The following DOCK7 variants were observed in gnomAD, a reference collection of about 807,000 sequenced individuals.
DOCK7 encodes the protein dedicator of cytokinesis 7.
A neutral mutation model predicts 271.0 loss-of-function variants in DOCK7; 138 were observed. The ratio of observed to expected loss-of-function variants is 0.51; its 90% CI spans 0.44 to 0.59. DOCK7 has a LOEUF of 0.59. DOCK7 is among the 20% of genes least tolerant of loss of function. DOCK7 has a pLI of 0.00. For synonymous variants in DOCK7, 823 were observed against 876.1 expected (o/e 0.94, Z 1.07); for missense variants, 2,066 against 2,592.4 (o/e 0.80, Z 4.41).
chr1:62,673,270 G>T (rs1255786021), intron 1 of DOCK7, among the ~76,000 whole-genome samples: 6 of 152,024 alleles, frequency 3.9e-5, no homozygotes, highest in African/African-American at 1.4e-4. Flanking sequence ...AAAAAAAGAT[G>T]TCAGGTGTCT....
chr1:62,578,739 A>AC (rs397755235), intron 17 of DOCK7, 89 bp downstream of exon 17: 8 of 1,032,182 alleles, frequency 7.8e-6, no homozygotes, highest in South Asian at 1.8e-5. Context: ...AAAAAAAAAA[A>AC]CCCACAAATG....
chr1:62,590,600 T>A (rs1648296223), intron 14 of DOCK7, among the ~76,000 whole-genome samples: 1 of 152,114 alleles, frequency 6.6e-6, no homozygotes. Flanking sequence ...ATGATAATAA[T>A]GTAGTATGAT....
At chr1:62,618,942 T>C in intron 13 of DOCK7, 74 bp from the exon 14 acceptor site, 1 of 1,381,228 alleles carries the variant, frequency 7.2e-7, no homozygotes, top group Non-Finnish European at 1.0e-6. Context: ...TTAAAGGACT[T>C]GGATCCTATT....
intron 21 of DOCK7, 89 bp downstream of exon 21, chr1:62,555,736 G>T: frequency 7.1e-7 from 1 of 1,401,702 alleles, no homozygotes; most frequent in Non-Finnish European, 9.6e-7. Flanking sequence ...TGAATAAATG[G>T]ATCACAGTAT....
At chr1:62,501,228 C>T (rs894974682) in intron 37 of DOCK7, among the ~76,000 whole-genome samples, 3 of 152,014 alleles carry the variant, frequency 2.0e-5, no homozygotes, top group African/African-American at 7.2e-5. Flanking sequence ...CTCCTAAGAA[C>T]CTTGATGAGG....
At chr1:62,651,145 G>A (rs902012225) in intron 4 of DOCK7, among the ~76,000 whole-genome samples, 1 of 151,712 alleles carries the variant, frequency 6.6e-6, no homozygotes, top group Non-Finnish European at 1.5e-5. Context: ...GTCCTTTGTA[G>A]GGACATGGAT....
rs778998166 is a variant in DOCK7 at position 62,504,592 on chromosome 1, A to C, written c.4764+38T>G. 131 of 1,582,640 alleles carry C rather than the reference A, an allele frequency of 8.3e-5. No individual in the cohort carries two copies. The Middle Eastern group carries it at 1.2e-3, about 14-fold the overall frequency. On this transcript the variant is annotated intron_variant, in intron 37 of 49. Transcript: ENST00000635253. The stretch of plus-strand genomic sequence containing the variant: ...TAACTATCAGCAGAAGTTATATTTC[A>C]TTATGAATACAGAGAATTTTCATGA...
chr1:62,621,367 AAT>A (rs2149593468), intron 12 of DOCK7, among the ~76,000 whole-genome samples: 1 of 152,328 alleles, frequency 6.6e-6, no homozygotes, highest in South Asian at 2.1e-4. Context: ...TTCTTCTTAC[AAT>A]TAAAATAGCT....
chr1:62,557,015 C>CA (rs1221280948), intron 20 of DOCK7, among the ~76,000 whole-genome samples: 1 of 151,858 alleles, frequency 6.6e-6, no homozygotes, highest in Non-Finnish European at 1.5e-5. Flanking sequence ...TTCTACCTCA[C>CA]AGAAGAAATG....
At chr1:62,495,964 TACAAAAGGAA>T (rs1646609019) in intron 38 of DOCK7, 2 of 370,002 alleles carry the variant, frequency 5.4e-6, no homozygotes, top group African/African-American at 4.3e-5. Context: ...AATACAAGAA[TACAAAAGGAA>T]AATTCTCTCC....
intron 2 of DOCK7, among the ~76,000 whole-genome samples, chr1:62,655,714 AC>A (rs1657942763): frequency 6.6e-6 from 1 of 152,226 alleles, no homozygotes; most frequent in South Asian, 2.1e-4. Flanking sequence ...GGTGTGAGCC[AC>A]GGCGCCCAGC....
chr1:62,537,408 A>C (rs1645379781), intron 28 of DOCK7, among the ~76,000 whole-genome samples: 1 of 152,066 alleles, frequency 6.6e-6, no homozygotes, highest in African/African-American at 2.4e-5. Context: ...CAACATGGTG[A>C]AACCCCGTCT....
At position 62,539,625 on chromosome 1, in the gene DOCK7, G is replaced by A; in HGVS notation, c.3220C>T (p.Leu1074Phe). The change falls in exon 27 of 50, where the codon CTT becomes TTT. Residue 1074 changes from leucine (L) to phenylalanine (F), a missense_variant. This residue lies in a region of DOCK7 where 1,414 missense variants were observed against 1,670.4 expected (regional missense o/e 0.85). Transcript: ENST00000635253. ...AACAGATCATTGAGAAAGAATGCAA[G>A]GCTTGTATTGAGTCTCTCAACCATT... ...TEMVERLNTS[L>F]AFFLNDLLSV... The A allele has an allele frequency of 1.2e-6, 2 of 1,613,748 alleles. No individual in the cohort carries two copies. Among genetic ancestry groups the A allele is most frequent in the Non-Finnish European group, 8.5e-7 (1 of 1,179,880 alleles).
At chr1:62,583,070 G>T in intron 16 of DOCK7, 114 bp downstream of exon 16, 2 of 782,674 alleles carry the variant, frequency 2.6e-6, no homozygotes, top group Non-Finnish European at 4.2e-6. Flanking sequence ...TCTGATGTCA[G>T]CCTTGAATTT....
chr1:62,608,585 T>C (rs1571753356), intron 14 of DOCK7: 1 of 152,156 alleles, frequency 6.6e-6, no homozygotes, highest in Non-Finnish European at 1.5e-5. Context: ...CAAATCATAA[T>C]AATAAAAATT....
intron 18 of DOCK7, among the ~76,000 whole-genome samples, chr1:62,567,110 TAGTTC>T (rs1319569559): frequency 6.6e-6 from 1 of 152,224 alleles, no homozygotes; most frequent in African/African-American, 2.4e-5. Context: ...GAGTGTAAAT[TAGTTC>T]AACCATTGTG....
chr1:62,523,517 T>A (rs1045226376), intron 31 of DOCK7, among the ~76,000 whole-genome samples: 2 of 151,988 alleles, frequency 1.3e-5, no homozygotes, highest in African/African-American at 2.4e-5. Context: ...CAGAAAAAAA[T>A]TCCTTAAATA....
intron 31 of DOCK7, among the ~76,000 whole-genome samples, 163 bp downstream of exon 31, chr1:62,527,986 CTG>C (rs1645063932): frequency 1.3e-5 from 2 of 151,196 alleles, no homozygotes; most frequent in African/African-American, 4.9e-5. Context: ...TTTTTTAAAA[CTG>C]TTTGGGAGAA....
At chr1:62,685,759 T>C (rs1661654020) in intron 1 of DOCK7, among the ~76,000 whole-genome samples, 1 of 152,190 alleles carries the variant, frequency 6.6e-6, no homozygotes, top group African/African-American at 2.4e-5. Context: ...CTGTACTCCC[T>C]TACCCCAAAG....
Sources: allele counts gnomAD v4.1 joint callset (sites outside exome capture counted in the v4.1 genomes callset), GRCh38; gene constraint gnomAD v4.1.1; regional missense constraint gnomAD v4.1.1; transcripts MANE v1.5; gene names NCBI Gene and HGNC (gene_info 2026-07-23, HGNC 2026-07-21).